KANSL1: variants seen among roughly 807,000 people sequenced by gnomAD.
KANSL1 encodes the protein MLL1/MLL complex subunit KANSL1.
Under a neutral mutation model 103.6 loss-of-function variants are expected in KANSL1, and 22 were observed. The observed-to-expected ratio is 0.21, with a 90% CI of 0.15 to 0.30. The LOEUF (loss-of-function observed/expected upper bound fraction) is 0.30. Among genes scored for constraint, KANSL1 ranks in the 10% least tolerant of loss-of-function variants. The pLI is 1.00. For synonymous variants in KANSL1, 600 were observed against 527.6 expected (o/e 1.14, Z -1.88); for missense variants, 1,337 against 1,399.8 (o/e 0.96, Z 0.72).
chr17:46,130,617 A>AT (rs1417476811), intron 2 of KANSL1, among the ~76,000 whole-genome samples: 1 of 152,220 alleles, frequency 6.6e-6, no homozygotes, highest in African/African-American at 2.4e-5. Flanking sequence ...AAGGGCTTGA[A>AT]TTTTTTAACC....
At chr17:46,155,608 A>C (rs190811221) in intron 2 of KANSL1, among the ~76,000 whole-genome samples, 310 of 152,370 alleles carry the variant, frequency 2.0e-3, no homozygotes, top group Non-Finnish European at 3.6e-3. Context: ...CTTACAGTGC[A>C]CAGAATAGCT....
intron 1 of KANSL1, among the ~76,000 whole-genome samples, chr17:46,211,212 A>G (rs1431671160): frequency 6.9e-6 from 1 of 144,502 alleles, no homozygotes; most frequent in African/African-American, 2.6e-5. Context: ...CCTAAAGACA[A>G]TGTGATGTTC....
At chr17:46,062,117 A>AC (rs2078190480) in intron 6 of KANSL1, among the ~76,000 whole-genome samples, 1 of 64,668 alleles carries the variant, frequency 1.5e-5, no homozygotes, top group South Asian at 5.9e-4. Context: ...AAACAAACAA[A>AC]CAAAAAAAAA....
At chr17:46,112,821 A>AGCCTCTCCTGCCTT (rs1203669606) in intron 2 of KANSL1, among the ~76,000 whole-genome samples, 1 of 151,892 alleles carries the variant, frequency 6.6e-6, no homozygotes, top group East Asian at 2.0e-4. Flanking sequence ...TCCCAAGTTC[A>AGCCTCTCCTGCCTT]AGTGATTCTC....
At chr17:46,114,984 T>G (rs2042980724) in intron 2 of KANSL1, among the ~76,000 whole-genome samples, 1 of 152,250 alleles carries the variant, frequency 6.6e-6, no homozygotes, top group Admixed American at 6.5e-5. Context: ...TCCATTTCAC[T>G]GAAATTTTGT....
At chr17:46,091,698 G>A (rs2079394673) in intron 3 of KANSL1, among the ~76,000 whole-genome samples, 1 of 152,126 alleles carries the variant, frequency 6.6e-6, no homozygotes, top group Admixed American at 6.5e-5. Flanking sequence ...ATTCAGTATA[G>A]TAGCATGATG....
chr17:46,056,949 T>G (rs1291713357), intron 6 of KANSL1, among the ~76,000 whole-genome samples: 4 of 152,162 alleles, frequency 2.6e-5, no homozygotes, highest in Non-Finnish European at 4.4e-5. Flanking sequence ...AATGAGTAAT[T>G]ACTACAGATA....
chr17:46,090,109 C>A (rs1202490266), intron 3 of KANSL1, among the ~76,000 whole-genome samples: 2 of 152,174 alleles, frequency 1.3e-5, no homozygotes, highest in Admixed American at 6.5e-5. Context: ...ACATGGAAAT[C>A]TACACAGATG....
At chr17:46,082,983 G>A (rs2079038777) in intron 3 of KANSL1, among the ~76,000 whole-genome samples, 1 of 152,108 alleles carries the variant, frequency 6.6e-6, no homozygotes, top group South Asian at 2.1e-4. Context: ...AAACAAAACT[G>A]AATGAAACAA....
chr17:46,052,119 G>C (rs930777661), intron 6 of KANSL1, among the ~76,000 whole-genome samples: 2 of 152,222 alleles, frequency 1.3e-5, no homozygotes, highest in Non-Finnish European at 2.9e-5. Flanking sequence ...AGTAGGTAGA[G>C]ATGAAAATGA....
chr17:46,049,609 C>A (rs921895884), intron 7 of KANSL1: 2 of 152,078 alleles, frequency 1.3e-5, no homozygotes, highest in Admixed American at 1.3e-4. Flanking sequence ...GGCCACGACA[C>A]CGAGCCTCAA....
chr17:46,185,646 T>C (rs976393677), intron 1 of KANSL1, among the ~76,000 whole-genome samples: 1 of 148,964 alleles, frequency 6.7e-6, no homozygotes, highest in Non-Finnish European at 1.5e-5. Context: ...ACAAGTATGA[T>C]CCCATTAAAC....
intron 4 of KANSL1, among the ~76,000 whole-genome samples, chr17:46,079,900 CT>C (rs1314431585): frequency 6.6e-6 from 1 of 152,038 alleles, no homozygotes; most frequent in Non-Finnish European, 1.5e-5. Flanking sequence ...TCACTTGAAC[CT>C]GAGAGGTAGA....
intron 1 of KANSL1, among the ~76,000 whole-genome samples, chr17:46,202,921 G>GT (rs920060567): frequency 2.8e-4 from 42 of 152,304 alleles, no homozygotes; most frequent in African/African-American, 9.9e-4. Context: ...AAATGAAACT[G>GT]TATCTTCTTT....
Position 46,116,516 on chromosome 17 carries a change from C to CT in KANSL1, c.1290-21816_1290-21815insA, listed in dbSNP as rs1361292190. On this transcript the variant is annotated intron_variant, in intron 2 of 14. Coordinates refer to ENST00000432791, the MANE Select transcript of KANSL1 (RefSeq NM_015443.4). ...ATGCACTCCAGCCTGGGCAACAGAG[C>CT]GCGACTCCGTCTCAAAAAACAAAAA... 8.5e-5 allele frequency among the ~76,000 whole-genome samples: 13 copies of CT among 152,188 alleles called. 2 individuals are homozygous for CT. Among genetic ancestry groups the CT allele is most frequent in the Admixed American group, 2.0e-4 (3 of 15,294 alleles).
chr17:46,076,457 C>A (rs1372986723), intron 4 of KANSL1, among the ~76,000 whole-genome samples: 2 of 133,278 alleles, frequency 1.5e-5, no homozygotes, highest in Admixed American at 8.4e-5. Flanking sequence ...GATCACACCA[C>A]AGAACTCCAG....
rs537145609 is a variant in KANSL1, at chr17:46,031,176, C to G, written c.*300G>C. 1 of 465,440 alleles carries G rather than the reference C, an allele frequency of 2.1e-6. No individual in the cohort carries two copies. Among genetic ancestry groups the G allele is most frequent in the African/African-American group, 1.9e-5 (1 of 51,852 alleles). 28.8% of individuals were successfully genotyped at this position (465,440 alleles called of 1,614,324 possible). ...GAGGGAGGGGGTGGTCATCTAAGAT[C>G]AGTAAGTCCAGTGATTCAACAGTGC... On this transcript the variant is annotated 3_prime_UTR_variant, in exon 15 of 15. Coordinates refer to ENST00000432791, the MANE Select transcript of KANSL1 (RefSeq NM_015443.4).
At chr17:46,108,431 AC>A in intron 2 of KANSL1, among the ~76,000 whole-genome samples, 1 of 151,882 alleles carries the variant, frequency 6.6e-6, no homozygotes, top group Non-Finnish European at 1.5e-5. Context: ...TAAAATTGCA[AC>A]CCCTCTCCAA....
chr17:46,167,691 ACT>A (rs906180817), intron 2 of KANSL1, among the ~76,000 whole-genome samples: 8 of 152,180 alleles, frequency 5.3e-5, no homozygotes, highest in Non-Finnish European at 7.3e-5. Context: ...AATTTAAAAA[ACT>A]CTCTCTAAAG....
Sources: gnomAD v4.1 joint callset for allele counts (sites outside exome capture counted in the v4.1 genomes callset) on GRCh38, gnomAD v4.1.1 for gene constraint, MANE v1.5 for transcripts, NCBI Gene and HGNC (gene_info 2026-07-23, HGNC 2026-07-21) for gene names.